Variants in RTN2 observed in about 807,000 individuals in gnomAD.
RTN2 encodes the protein reticulon 2.
RTN2 carries 36 observed loss-of-function variants against 63.7 expected under a neutral mutation model. That is an observed-to-expected ratio of 0.56 (90% CI 0.43 to 0.75). The LOEUF (loss-of-function observed/expected upper bound fraction) is 0.75, where lower values mean the gene tolerates loss of function less well. Ranked by LOEUF, RTN2 falls within the 30% of genes least tolerant of loss-of-function variation. The pLI is 0.00. For synonymous variants in RTN2, 312 were observed against 313.0 expected, an observed-to-expected ratio of 1.00 and a Z score of 0.03; for missense variants, 673 against 705.1, an observed-to-expected ratio of 0.95 and a Z score of 0.52.
rs1286589568 is a variant in RTN2 at position 45,494,981 on chromosome 19, C to T, written c.104G>A (p.Arg35Gln). ...GAATTCCCGGGCTGTGTGCAGCTCTCGAAAATCAGAGTCGTCGTTCCCTCC... is the reference window on the plus strand; with the variant it reads ...GAATTCCCGGGCTGTGTGCAGCTCTTGAAAATCAGAGTCGTCGTTCCCTCC... Reference protein sequence around the residue: ...TEGGNDDSDFRELHTAREFSE... With the variant: ...TEGGNDDSDFQELHTAREFSE... Residue 35 changes from arginine (R) to glutamine (Q), a missense_variant, in exon 3 of 11, where the codon CGA becomes CAA. Transcript: ENST00000245923. The surrounding 1 kb of genome is among the most constrained non-coding windows in gnomAD (Gnocchi z 5.3). 2.5e-6 allele frequency: 4 copies of T among 1,613,270 alleles called. No homozygotes were observed. Among genetic ancestry groups the T allele is most frequent in the East Asian group, 4.5e-5 (2 of 44,866 alleles).
chr19:45,494,040 A>G lies in RTN2; in HGVS notation c.814+126T>C. 7.1e-7 allele frequency: 1 copy of G among 1,402,278 alleles called. No individual in the cohort carries two copies. The highest frequency in any genetic ancestry group is 1.4e-5 in the African/African-American group (1 of 69,562). 86.9% of individuals were successfully genotyped at this position (1,402,278 alleles called of 1,614,324 possible). ...TTTATCACGTCTAGCCAGATGTGAT[A>G]TCACGTCTATCTCTTCCCTTTTCCA... On this transcript the variant is annotated intron_variant, in intron 4 of 10. Coordinates refer to ENST00000245923, the MANE Select transcript of RTN2 (RefSeq NM_005619.5). The surrounding 1 kb of genome is among the most constrained non-coding windows in gnomAD (Gnocchi z 5.3).
In RTN2 at chr19:45,494,123, G is replaced by A. The variant is rs753317205; in HGVS notation, c.814+43C>T. 55 of 1,588,722 alleles carry A rather than the reference G, an allele frequency of 3.5e-5. No homozygotes were observed. The Admixed American group carries it at 9.2e-4, about 27-fold the overall frequency. ...TTAATTCAAAATCCTCTCACCTTTT[G>A]CCTTCTGTGGGCCAATGCAGCATCT... is the stretch of plus-strand genomic sequence containing the variant. On this transcript the variant is annotated intron_variant, in intron 4 of 10. Coordinates refer to ENST00000245923, the MANE Select transcript of RTN2 (RefSeq NM_005619.5). This position sits in a 1 kb window ranked among gnomAD's most constrained non-coding sequence, Gnocchi z 5.3.
chr19:45,489,228 G>T, intron 6 of RTN2, 118 bp downstream of exon 6: 1 of 1,013,104 alleles, frequency 9.9e-7, no homozygotes, highest in Non-Finnish European at 1.5e-6. Context: ...TAGGGGATCG[G>T]GATGAAAAAT....
chr19:45,493,816 T>C, intron 4 of RTN2: 2 of 301,412 alleles, frequency 6.6e-6, no homozygotes, highest in Non-Finnish European at 6.2e-6. Context: ...CGATCTTGGC[T>C]CACTGCAACC....
At chr19:45,491,917 C>T (rs564826340) in intron 5 of RTN2, among the ~76,000 whole-genome samples, 5 of 152,180 alleles carry the variant, frequency 3.3e-5, no homozygotes, top group African/African-American at 7.2e-5. Flanking sequence ...GCATGAGCCA[C>T]CGCGCTCGGT....
chr19:45,488,710 G>A lies in RTN2; in HGVS notation c.1381-4C>T, dbSNP rs1288656594. 1 of 1,613,242 alleles carries A rather than the reference G, an allele frequency of 6.2e-7. No individual in the cohort carries two copies. Among genetic ancestry groups the A allele is most frequent in the Non-Finnish European group, 8.5e-7 (1 of 1,179,740 alleles). ...AGATGTAGAAGAGGAGGGCCAGCTG[G>A]GGGTGAAGGTCAGGGTCAGCAGAGC... On this transcript the variant is annotated splice_region_variant and splice_polypyrimidine_tract_variant and intron_variant, in intron 7 of 10. Transcript: ENST00000245923.
intron 9 of RTN2, among the ~76,000 whole-genome samples, chr19:45,487,061 T>TTTTTTTTTTTTG (rs1968041670): frequency 1.7e-5 from 2 of 118,194 alleles, no homozygotes; most frequent in Non-Finnish European, 3.5e-5. Context: ...TTTTTTTTTT[T>TTTTTTTTTTTTG]AGATAGGGTC....
intron 4 of RTN2, chr19:45,493,869 G>A (rs1968213259): frequency 2.7e-6 from 1 of 364,630 alleles, no homozygotes; most frequent in Non-Finnish European, 5.0e-6. Context: ...TCAGCCTCCC[G>A]AGTACAGACG....
At chr19:45,491,283 C>A (rs549734911) in intron 5 of RTN2, among the ~76,000 whole-genome samples, 2 of 151,628 alleles carry the variant, frequency 1.3e-5, no homozygotes, top group Admixed American at 1.3e-4. Flanking sequence ...ACAGCCTCTA[C>A]CTCCCAGAGT....
Position 45,489,517 on chromosome 19 carries a change from G to C in RTN2, c.1070C>G (p.Ser357Ter). The change falls in exon 6 of 11, where the codon TCA becomes TGA. Residue 357 changes from serine (S) to a stop codon, truncating the protein, a stop_gained. Transcript: ENST00000245923. LOFTEE classifies it high-confidence loss of function. ...DLLYWKDTRT[S>*]GVVFTGLMVS... ...CATCAGGCCTGTGAAGACCACTCCT[G>C]ACGTCCTCGTGTCCTTCCAGTACAG... is the stretch of plus-strand genomic sequence containing the variant. The C allele has an allele frequency of 2.5e-6, 4 of 1,610,072 alleles. No individual in the cohort carries two copies. The highest frequency in any genetic ancestry group is 3.4e-6 in the Non-Finnish European group (4 of 1,178,264).
intron 9 of RTN2, among the ~76,000 whole-genome samples, chr19:45,487,584 T>A (rs970576342): frequency 6.0e-5 from 3 of 49,754 alleles, no homozygotes; most frequent in African/African-American, 2.2e-4. Context: ...TATTTTTTGG[T>A]TTTTTTTTTT....
In RTN2 at chr19:45,489,500, C is replaced by A. The variant is rs778672807; in HGVS notation, c.1087G>T (p.Gly363Cys). Residue 363 changes from glycine (G) to cysteine (C), a missense_variant, in exon 6 of 11, where the codon GGC (glycine) becomes TGC (cysteine). Transcript: ENST00000245923. Reference protein sequence around the residue: ...DTRTSGVVFTGLMVSLLCLLH... With the variant: ...DTRTSGVVFTCLMVSLLCLLH... Reference sequence around the variant, plus strand: ...AGGCAGAGGAGGGAGACCATCAGGCCTGTGAAGACCACTCCTGACGTCCTC... The same window carrying A: ...AGGCAGAGGAGGGAGACCATCAGGCATGTGAAGACCACTCCTGACGTCCTC... 6.2e-7 allele frequency: 1 copy of A among 1,612,302 alleles called. No homozygotes were observed. Among genetic ancestry groups the A allele is most frequent in the Non-Finnish European group, 8.5e-7 (1 of 1,179,246 alleles).
At position 45,488,837 on chromosome 19, in the gene RTN2, C is replaced by T; in HGVS notation, c.1380+11G>A. The stretch of plus-strand genomic sequence containing the variant: ...GGGGGAACCCAGGAGGGGCTGAGAG[C>T]TCCAGGCCACCTTGAGGGAATCCAC... On this transcript the variant is annotated intron_variant, in intron 7 of 10. Coordinates refer to ENST00000245923, the MANE Select transcript of RTN2 (RefSeq NM_005619.5). The T allele has an allele frequency of 2.5e-6, 4 of 1,600,190 alleles. No homozygotes were observed. Among genetic ancestry groups the T allele is most frequent in the Non-Finnish European group, 3.4e-6 (4 of 1,174,372 alleles).
chr19:45,489,150 G>A, intron 6 of RTN2, 164 bp from the exon 7 acceptor site: 1 of 920,736 alleles, frequency 1.1e-6, no homozygotes. Flanking sequence ...TCAGGGTCAG[G>A]GTCAGGGGAA....
rs1478612104 is a variant in RTN2 at position 45,494,125 on chromosome 19, C to T, written c.814+41G>A. The T allele has an allele frequency of 5.0e-6, 8 of 1,589,540 alleles. No individual in the cohort carries two copies. In the South Asian group the frequency reaches 5.5e-5, roughly 11 times the overall value. ...AATTCAAAATCCTCTCACCTTTTGC[C>T]TTCTGTGGGCCAATGCAGCATCTTC... On this transcript the variant is annotated intron_variant, in intron 4 of 10. Coordinates refer to ENST00000245923, the MANE Select transcript of RTN2 (RefSeq NM_005619.5). This position sits in a 1 kb window ranked among gnomAD's most constrained non-coding sequence, Gnocchi z 5.3.
rs1968081811 is a variant in RTN2 at position 45,488,686 on chromosome 19, G to A, written c.1401C>T (p.Ile467=). 4.3e-6 allele frequency: 7 copies of A among 1,613,794 alleles called. No homozygotes were observed. The Admixed American group carries it at 5.0e-5, about 12-fold the overall frequency. ...DSLKLALLFY[I]LTFVGAIFNG... is the part of the protein sequence containing the mutation. ...TGAAGATGGCACCCACGAAGGTCAA[G>A]ATGTAGAAGAGGAGGGCCAGCTGGG... Residue 467 remains isoleucine (I), a synonymous_variant, in exon 8 of 11, where the codon ATC becomes ATT. Transcript: ENST00000245923.
chr19:45,493,580 C>T (rs928904370), intron 4 of RTN2, among the ~76,000 whole-genome samples: 1 of 151,972 alleles, frequency 6.6e-6, no homozygotes, highest in African/African-American at 2.4e-5. Context: ...CAGGCATGAG[C>T]CACTGCGCCC....
Position 45,486,068 on chromosome 19 carries a change from G to A in RTN2, c.1543C>T (p.His515Tyr). 6.2e-7 allele frequency: 1 copy of A among 1,613,994 alleles called. No homozygotes were observed. Residue 515 changes from histidine to tyrosine, a missense_variant, in exon 10 of 11, where the codon CAC becomes TAC. Transcript: ENST00000245923. Reference sequence around the variant, plus strand: ...CCATGCTCTTACTTAGCTTTGATGTGGCTCAACTGATTGGTCACCAACCCC... The same window carrying A: ...CCATGCTCTTACTTAGCTTTGATGTAGCTCAACTGATTGGTCACCAACCCC... ...YVGLVTNQLS[H>Y]IKAKIRAKIP... is the part of the protein sequence containing the mutation.
intron 9 of RTN2, among the ~76,000 whole-genome samples, chr19:45,487,706 C>G (rs1968057443): frequency 6.7e-6 from 1 of 148,284 alleles, no homozygotes; most frequent in Admixed American, 6.8e-5. Flanking sequence ...CTTTGGGAGG[C>G]CAACGCGGGC....
Sources: allele counts gnomAD v4.1 joint callset (sites outside exome capture counted in the v4.1 genomes callset), GRCh38; gene constraint gnomAD v4.1.1; non-coding constraint Gnocchi (gnomAD v3.1); transcripts MANE v1.5; gene names NCBI Gene and HGNC (gene_info 2026-07-23, HGNC 2026-07-21).